The following TANK variants were observed in gnomAD, a reference collection of about 807,000 sequenced individuals.
TANK encodes the protein TRAF family member associated NFKB activator, also known as TRAF family member-associated NF-kappa-B activator.
In TANK, 15 loss-of-function variants were observed where a neutral mutation model predicts 43.6. The observed-to-expected ratio is 0.34, with a 90% CI of 0.23 to 0.53. The LOEUF (loss-of-function observed/expected upper bound fraction) is 0.53. TANK is among the 20% of genes least tolerant of loss of function. The pLI is 0.94. For missense variants in TANK, 417 were observed against 498.6 expected, an observed-to-expected ratio of 0.84 and a Z score of 1.56; for synonymous variants, 162 against 178.2, an observed-to-expected ratio of 0.91 and a Z score of 0.73.
At chr2:161,154,126 CAG>C (rs1684156136) in intron 1 of TANK, among the ~76,000 whole-genome samples, 2 of 152,242 alleles carry the variant, frequency 1.3e-5, no homozygotes, top group East Asian at 3.9e-4. Context: ...GAGGAAAGGA[CAG>C]GGTAAAATAG....
chr2:161,168,995 A>T (rs956429324), intron 1 of TANK, among the ~76,000 whole-genome samples: 2 of 152,360 alleles, frequency 1.3e-5, no homozygotes, highest in South Asian at 4.1e-4. Context: ...ATTTTTAGTT[A>T]TGCAAAGCCT....
intron 1 of TANK, among the ~76,000 whole-genome samples, chr2:161,166,342 T>C (rs1022158830): frequency 6.6e-6 from 1 of 152,222 alleles, no homozygotes; most frequent in East Asian, 1.9e-4. Context: ...AGAATAGAAA[T>C]GCAAGAGGTC....
chr2:161,161,093 C>A (rs1573961145), intron 1 of TANK: 6 of 977,804 alleles, frequency 6.1e-6, no homozygotes, highest in Non-Finnish European at 8.6e-6. Flanking sequence ...ACAGTGGGAA[C>A]CCAGGCGTTA....
chr2:161,221,359 T>C (rs1687330767), intron 4 of TANK, among the ~76,000 whole-genome samples: 1 of 152,170 alleles, frequency 6.6e-6, no homozygotes, highest in Admixed American at 6.5e-5. Context: ...AACTTCATCT[T>C]CCTGCAGTAC....
intron 1 of TANK, among the ~76,000 whole-genome samples, chr2:161,149,236 TC>T (rs1448464149): frequency 3.9e-5 from 6 of 152,220 alleles, no homozygotes; most frequent in Non-Finnish European, 8.8e-5. Flanking sequence ...CTAGGCATTT[TC>T]TTTTTTGGAT....
At chr2:161,207,812 G>GT (rs1248823445) in intron 4 of TANK, 1 of 985,248 alleles carries the variant, frequency 1.0e-6, no homozygotes, top group Admixed American at 6.2e-5. Flanking sequence ...GTCTGTTGCA[G>GT]TTTTTTAAAA....
intron 2 of TANK, among the ~76,000 whole-genome samples, chr2:161,195,996 A>G (rs559170952): frequency 6.6e-6 from 1 of 152,222 alleles, no homozygotes; most frequent in Admixed American, 6.5e-5. Context: ...GAGGCAGGAG[A>G]ATCACTTGAA....
At chr2:161,217,922 G>A (rs1440745857) in intron 4 of TANK, among the ~76,000 whole-genome samples, 1 of 152,102 alleles carries the variant, frequency 6.6e-6, no homozygotes, top group Non-Finnish European at 1.5e-5. Flanking sequence ...GGGGAGGCAG[G>A]AAGGGAGTTA....
chr2:161,146,918 C>A (rs1390587691), intron 1 of TANK, among the ~76,000 whole-genome samples: 2 of 152,134 alleles, frequency 1.3e-5, no homozygotes, highest in Non-Finnish European at 1.5e-5. Flanking sequence ...TCAGAACTAG[C>A]AGAAGGAAAG....
At chr2:161,206,397 C>A (rs1290990976) in intron 4 of TANK, among the ~76,000 whole-genome samples, 3 of 152,036 alleles carry the variant, frequency 2.0e-5, no homozygotes, top group African/African-American at 4.8e-5. Flanking sequence ...ATATTTATTT[C>A]TTTCCTTCTA....
chr2:161,152,397 G>C (rs951562538), intron 1 of TANK, among the ~76,000 whole-genome samples: 11 of 152,008 alleles, frequency 7.2e-5, no homozygotes, highest in Admixed American at 3.3e-4. Context: ...TATTTTTGAA[G>C]GATAGTCTTG....
chr2:161,171,476 A>G (rs1246735409), intron 1 of TANK, among the ~76,000 whole-genome samples: 1 of 152,192 alleles, frequency 6.6e-6, no homozygotes, highest in Non-Finnish European at 1.5e-5. Flanking sequence ...CCTCAGGGAA[A>G]TTAAAAACAA....
intron 1 of TANK, among the ~76,000 whole-genome samples, chr2:161,164,321 G>C (rs905084088): frequency 6.6e-6 from 1 of 152,086 alleles, no homozygotes; most frequent in Admixed American, 6.5e-5. Context: ...CAGTTCGTTT[G>C]TGTTCAGTTA....
At chr2:161,197,255 TA>T (rs1204357860) in intron 2 of TANK, 1 of 152,266 alleles carries the variant, frequency 6.6e-6, no homozygotes, top group African/African-American at 2.4e-5. Flanking sequence ...CATTAATCTT[TA>T]ATCGTTTAGT....
intron 2 of TANK, among the ~76,000 whole-genome samples, chr2:161,187,710 A>C (rs1431538660): frequency 6.6e-6 from 1 of 152,192 alleles, no homozygotes; most frequent in Non-Finnish European, 1.5e-5. Flanking sequence ...TTTGAACCAC[A>C]TTGTAGAGCA....
intron 1 of TANK, among the ~76,000 whole-genome samples, chr2:161,142,807 CT>C (rs1683790542): frequency 6.6e-6 from 1 of 152,008 alleles, no homozygotes; most frequent in African/African-American, 2.4e-5. Context: ...TATATGGACT[CT>C]TTTGGGGTTT....
chr2:161,168,487 A>G (rs1371558005), intron 1 of TANK, among the ~76,000 whole-genome samples: 1 of 152,300 alleles, frequency 6.6e-6, no homozygotes. Context: ...CTGAAATTTC[A>G]GAATCCTAGG....
At chr2:161,207,294 A>T (rs1193966620) in intron 4 of TANK, 3 of 644,180 alleles carry the variant, frequency 4.7e-6, no homozygotes, top group Non-Finnish European at 5.8e-6. Context: ...CGGTAAGAGG[A>T]AAAGCTCCAA....
intron 4 of TANK, among the ~76,000 whole-genome samples, chr2:161,208,305 A>G (rs1194726404): frequency 4.6e-5 from 7 of 152,152 alleles, no homozygotes; most frequent in Admixed American, 4.6e-4. Context: ...GTCTCTATTC[A>G]TGTTATTCCT....
Sources: gnomAD v4.1 joint callset for allele counts (sites outside exome capture counted in the v4.1 genomes callset) on GRCh38, gnomAD v4.1.1 for gene constraint, MANE v1.5 for transcripts, NCBI Gene and HGNC (gene_info 2026-07-23, HGNC 2026-07-21) for gene names.